The following FRAS1 variants were observed in gnomAD, a reference collection of about 807,000 sequenced individuals.
FRAS1 encodes the protein extracellular matrix organizing protein FRAS1.
Under a neutral mutation model 435.2 loss-of-function variants are expected in FRAS1, and 290 were observed. The observed-to-expected ratio is 0.67, with a 90% CI of 0.61 to 0.73. FRAS1 has a LOEUF of 0.73. Among genes scored for constraint, FRAS1 ranks in the 30% least tolerant of loss-of-function variants. The pLI is 0.00. For missense variants in FRAS1, 4,860 were observed against 5,001.5 expected (o/e 0.97, Z 0.85); for synonymous variants, 1,800 against 1,851.0 (o/e 0.97, Z 0.71).
At chr4:78,206,920 T>A (rs1449136060) in intron 2 of FRAS1, among the ~76,000 whole-genome samples, 1 of 152,228 alleles carries the variant, frequency 6.6e-6, no homozygotes, top group African/African-American at 2.4e-5. Context: ...TATCAGTTGC[T>A]GCCACAGGTG....
chr4:78,477,536 A>G (rs1232201750), intron 54 of FRAS1, among the ~76,000 whole-genome samples: 1 of 152,210 alleles, frequency 6.6e-6, no homozygotes. Context: ...CAGGCTATAA[A>G]GAGTTACTAC....
In FRAS1 at chr4:78,083,626, G is replaced by GTTTTTTTTTT. The variant is rs35633131; in HGVS notation, c.108+17620_108+17629dup. Among the ~76,000 whole-genome samples the GTTTTTTTTTT allele has an allele frequency of 4.2e-4, 46 of 108,288 alleles. 4 individuals carry two copies. The highest frequency in any genetic ancestry group is 1.6e-3 in the African/African-American group (44 of 27,424). 71.0% of individuals were successfully genotyped at this position (108,288 alleles called of 152,430 possible). A position where few individuals can be genotyped will look rare whatever the true frequency, so the allele number is the denominator to read the frequency against. ...TTATTTTTCATTACATGCAAGTTCT[G>GTTTTTTTTTT]TTTTTTTTTTTTTTTTTTTGCAAGA... On this transcript the variant is annotated intron_variant, in intron 2 of 73. Transcript: ENST00000512123.
chr4:78,433,040 G>T (rs1354617320), intron 38 of FRAS1, among the ~76,000 whole-genome samples: 2 of 152,206 alleles, frequency 1.3e-5, no homozygotes, highest in Non-Finnish European at 2.9e-5. Context: ...CTCAGGTCTA[G>T]TCTAGATGGA....
At chr4:78,070,268 T>C (rs1258049352) in intron 2 of FRAS1, among the ~76,000 whole-genome samples, 1 of 151,962 alleles carries the variant, frequency 6.6e-6, no homozygotes, top group East Asian at 1.9e-4. Context: ...TATATATATA[T>C]ATATATACCT....
At chr4:78,284,281 C>T (rs72864567) in intron 12 of FRAS1, 124 bp from the exon 13 acceptor site, 5,962 of 547,086 alleles carry the variant, frequency 0.011, 105 homozygotes, top group African/African-American at 0.051. Context: ...TCCTAAGTCC[C>T]ACAGTTTTCT....
In FRAS1 at chr4:78,534,494, A is replaced by G; in HGVS notation, c.10971A>G (p.Pro3657=). The G allele has an allele frequency of 6.8e-6, 11 of 1,613,764 alleles. No homozygotes were observed. Among genetic ancestry groups the G allele is most frequent in the Non-Finnish European group, 9.3e-6 (11 of 1,179,720 alleles). The change falls in exon 71 of 74, where the codon CCA becomes CCG. Residue 3657 remains proline, a synonymous_variant. Coordinates refer to ENST00000512123, the MANE Select transcript of FRAS1 (RefSeq NM_025074.7). ...IAFQQTNRPV[P]VVYSLNTEFQ... ...TCCAGCAGACCAACCGCCCTGTGCC[A>G]GTTGTGTATTCACTTAACACTGAAT...
intron 2 of FRAS1, among the ~76,000 whole-genome samples, chr4:78,090,577 G>A (rs1421927460): frequency 2.6e-5 from 4 of 152,140 alleles, no homozygotes; most frequent in Non-Finnish European, 5.9e-5. Flanking sequence ...CTTGGAGTTT[G>A]GCTGATGCTG....
intron 32 of FRAS1, among the ~76,000 whole-genome samples, chr4:78,414,513 A>C: frequency 6.6e-6 from 1 of 152,356 alleles, no homozygotes; most frequent in South Asian, 2.1e-4. Context: ...TACAGTTTAT[A>C]TATTTTTTGA....
At position 78,425,878 on chromosome 4, in the gene FRAS1, G is replaced by C. The variant is rs1034869149; in HGVS notation, c.4711+1458G>C. ...TGGCCAGGTGCAGTGGCTCACACCT[G>C]TACTCCCAGCACTTTGGGAGGTGTG... On this transcript the variant is annotated intron_variant, in intron 35 of 73. Coordinates refer to ENST00000512123, the MANE Select transcript of FRAS1 (RefSeq NM_025074.7). Among the ~76,000 whole-genome samples the C allele has an allele frequency of 6.6e-5, 10 of 152,270 alleles. No individual in the cohort carries two copies. The East Asian group carries it at 1.7e-3, about 26-fold the overall frequency.
At chr4:78,241,374 C>T (rs1174003253) in intron 3 of FRAS1, among the ~76,000 whole-genome samples, 5 of 152,148 alleles carry the variant, frequency 3.3e-5, no homozygotes, top group East Asian at 1.9e-4. Flanking sequence ...TATTGCAGCC[C>T]GTCAAACAGC....
chr4:78,248,164 G>C (rs1009133179), intron 4 of FRAS1, among the ~76,000 whole-genome samples: 1 of 152,168 alleles, frequency 6.6e-6, no homozygotes, highest in Admixed American at 6.6e-5. Context: ...CTGACTCCAG[G>C]TTATTTGAGA....
At chr4:78,095,885 C>T (rs1336094946) in intron 2 of FRAS1, among the ~76,000 whole-genome samples, 1 of 152,184 alleles carries the variant, frequency 6.6e-6, no homozygotes, top group East Asian at 1.9e-4. Flanking sequence ...CGGCCCCTCC[C>T]AAATCTCATG....
At chr4:78,538,893 A>T (rs1231763073) in intron 72 of FRAS1, among the ~76,000 whole-genome samples, 3 of 151,198 alleles carry the variant, frequency 2.0e-5, no homozygotes, top group Admixed American at 6.6e-5. Context: ...AGGTGGAGCC[A>T]GCAGTGAGCT....
intron 14 of FRAS1, among the ~76,000 whole-genome samples, chr4:78,290,461 CTTTT>C (rs34589369): frequency 1.4e-5 from 2 of 145,152 alleles, no homozygotes; most frequent in South Asian, 2.2e-4. Context: ...TTCTTTCTTT[CTTTT>C]TTTTTTTTTG....
intron 2 of FRAS1, among the ~76,000 whole-genome samples, chr4:78,147,889 A>T (rs1720482965): frequency 6.6e-6 from 1 of 152,186 alleles, no homozygotes; most frequent in Non-Finnish European, 1.5e-5. Flanking sequence ...TAACCTGATT[A>T]TTGTGATGCT....
intron 2 of FRAS1, among the ~76,000 whole-genome samples, chr4:78,135,031 T>G (rs1419043115): frequency 6.6e-6 from 1 of 152,186 alleles, no homozygotes; most frequent in Admixed American, 6.5e-5. Flanking sequence ...GGTTTAATTG[T>G]AGGAAATTGT....
rs376083444 is a variant in FRAS1 at position 78,507,434 on chromosome 4, C to A, written c.9330C>A (p.Ile3110=). The change falls in exon 62 of 74, where the codon ATC becomes ATA. Residue 3110 remains isoleucine, a synonymous_variant. Coordinates refer to ENST00000512123, the MANE Select transcript of FRAS1 (RefSeq NM_025074.7). ...TCCTTGGCGAAGGTGTGGATCATAT[C>A]TTTTTTAAAGTTGAGATCCTGTCCA... ...VLKFSPGVDH[I]FFKVEILSNE... 9.3e-6 allele frequency: 15 copies of A among 1,609,814 alleles called. No homozygotes were observed. The highest frequency in any genetic ancestry group is 1.3e-5 in the African/African-American group (1 of 74,680).
chr4:78,158,906 A>G (rs1721007228), intron 2 of FRAS1, among the ~76,000 whole-genome samples: 1 of 152,132 alleles, frequency 6.6e-6, no homozygotes. Flanking sequence ...GTGGGTGTTC[A>G]GTAGTGATGA....
intron 2 of FRAS1, among the ~76,000 whole-genome samples, chr4:78,077,857 T>C (rs1740721621): frequency 6.6e-6 from 1 of 151,140 alleles, no homozygotes; most frequent in Non-Finnish European, 1.5e-5. Flanking sequence ...TAAGAGAAAA[T>C]GGCCATGTTG....
Sources: gnomAD v4.1 joint callset for allele counts (sites outside exome capture counted in the v4.1 genomes callset) on GRCh38, gnomAD v4.1.1 for gene constraint, MANE v1.5 for transcripts, NCBI Gene and HGNC (gene_info 2026-07-23, HGNC 2026-07-21) for gene names.